The following DMBT1 variants were observed in gnomAD, a reference collection of about 807,000 sequenced individuals.
The protein encoded by DMBT1 is deleted in malignant brain tumors 1.
In DMBT1, 198 loss-of-function variants were observed where a neutral mutation model predicts 252.9. The ratio of observed to expected loss-of-function variants is 0.78; its 90% CI spans 0.70 to 0.88. DMBT1 has a LOEUF of 0.88. Ranked by LOEUF, DMBT1 falls within the 40% of genes least tolerant of loss-of-function variation. The probability of loss-of-function intolerance (pLI) is 0.00; values close to 1 mark genes in which losing one functional copy is unlikely to be tolerated. For synonymous variants in DMBT1, 990 were observed against 942.7 expected, an observed-to-expected ratio of 1.05 and a Z score of -0.92; for missense variants, 2,432 against 2,404.7, an observed-to-expected ratio of 1.01 and a Z score of -0.24.
chr10:122,571,602 T>C (rs1444585662), intron 4 of DMBT1, among the ~76,000 whole-genome samples: 1 of 152,232 alleles, frequency 6.6e-6, no homozygotes, highest in Admixed American at 6.5e-5. Context: ...TGATTTCCTT[T>C]GTTCACATAG....
intron 46 of DMBT1, among the ~76,000 whole-genome samples, chr10:122,627,103 G>T (rs2098124196): frequency 1.3e-5 from 2 of 152,150 alleles, no homozygotes; most frequent in Admixed American, 6.5e-5. Context: ...TTAATCTTGA[G>T]AATTAGCTAA....
chr10:122,634,350 T>TTCTTTC (rs1566001127), intron 52 of DMBT1, among the ~76,000 whole-genome samples: 1 of 90,866 alleles, frequency 1.1e-5, no homozygotes, highest in Non-Finnish European at 2.3e-5. Context: ...TTTTCTTTCT[T>TTCTTTC]TCTTTCTTTC....
Position 122,565,978 on chromosome 10 carries a change from C to G in DMBT1, c.73C>G (p.Pro25Ala). The part of the protein sequence containing the change: ...GQVLSTGGWI[P>A]RTTDYASLIP... The stretch of plus-strand genomic sequence containing the variant: ...TGTGTTCTTTCCAGGTGGGTGGATC[C>G]CAAGGACTACAGACTACGGTAAGAC... Residue 25 changes from proline to alanine, a missense_variant, in exon 2 of 56, where the codon CCA (proline) becomes GCA (alanine). Transcript: ENST00000338354. 1 of 1,613,918 alleles carries G rather than the reference C, an allele frequency of 6.2e-7. No homozygotes were observed. Among genetic ancestry groups the G allele is most frequent in the South Asian group, 1.1e-5 (1 of 91,066 alleles).
chr10:122,627,602 G>A (rs747816982), intron 46 of DMBT1, among the ~76,000 whole-genome samples: 2 of 151,964 alleles, frequency 1.3e-5, no homozygotes, highest in Admixed American at 6.6e-5. Context: ...ATAATGTTAA[G>A]TGACTATATA....
intron 26 of DMBT1, 64 bp downstream of exon 26, chr10:122,599,161 A>C: frequency 6.2e-7 from 1 of 1,611,618 alleles, no homozygotes; most frequent in Non-Finnish European, 8.5e-7. Context: ...GAAACTCCTA[A>C]TTACATTCTG....
At position 122,579,668 on chromosome 10, in the gene DMBT1, C is replaced by T; in HGVS notation, c.770C>T (p.Thr257Ile). Residue 257 changes from threonine (T) to isoleucine (I), a missense_variant, in exon 10 of 56, where the codon ACC (threonine) becomes ATC (isoleucine). Physicochemically the swap from Thr to Ile is moderately conservative, Grantham distance 89. Transcript: ENST00000338354. ...VEVLYRGSWG[T>I]VCDDYWDTND... ...GTCCTATACCGAGGCTCCTGGGGCA[C>T]CGTGTGTGATGACTACTGGGACACC... The T allele has an allele frequency of 1.2e-6, 2 of 1,613,824 alleles. No homozygotes were observed. The highest frequency in any genetic ancestry group is 1.7e-6 in the Non-Finnish European group (2 of 1,179,790).
Position 122,572,142 on chromosome 10 carries a change from G to A in DMBT1, c.188-172G>A, listed in dbSNP as rs528537590. Among the ~76,000 whole-genome samples, 15 of 152,366 alleles carry A rather than the reference G, an allele frequency of 9.8e-5. No homozygotes were observed. The South Asian group carries it at 2.9e-3, about 29-fold the overall frequency. ...GATGCTTGTGCGGCACCTTGGCCCA[G>A]CGTGGGACCAGTACAGTGACAGAGT... On this transcript the variant is annotated intron_variant, in intron 4 of 55. Coordinates refer to ENST00000338354, the MANE Select transcript of DMBT1 (RefSeq NM_001377530.1).
intron 41 of DMBT1, 97 bp downstream of exon 41, chr10:122,618,437 CTA>C: frequency 1.3e-6 from 2 of 1,577,998 alleles, no homozygotes; most frequent in Non-Finnish European, 1.7e-6. Context: ...AAAGCTTTTT[CTA>C]TGTTTTCTAT....
intron 5 of DMBT1, 88 bp from the exon 6 acceptor site, chr10:122,573,627 C>T: frequency 6.7e-7 from 1 of 1,492,374 alleles, no homozygotes; most frequent in Non-Finnish European, 9.3e-7. Context: ...GTGCTTCCAG[C>T]CCTTGCTTCA....
intron 4 of DMBT1, among the ~76,000 whole-genome samples, chr10:122,571,258 C>T (rs1035322731): frequency 2.6e-5 from 4 of 152,200 alleles, no homozygotes; most frequent in African/African-American, 9.7e-5. Context: ...TCCTGTCCTT[C>T]TGAAGCTGGA....
At chr10:122,566,306 T>TTTTTC (rs1254263846) in intron 2 of DMBT1, among the ~76,000 whole-genome samples, 1 of 112,252 alleles carries the variant, frequency 8.9e-6, no homozygotes, top group Non-Finnish European at 1.9e-5. Flanking sequence ...CCTTTTCTTT[T>TTTTTC]TTTTTCTTTT....
rs552127186 is a variant in DMBT1 at position 122,560,802 on chromosome 10, G to A, written c.32G>A (p.Cys11Tyr). 7 of 1,574,060 alleles carry A rather than the reference G, an allele frequency of 4.4e-6. No individual in the cohort carries two copies. Among genetic ancestry groups the A allele is most frequent in the Non-Finnish European group, 6.0e-6 (7 of 1,157,792 alleles). MGISTVILEM[C>Y]LLWGQVLSTG... ...ATCTCCACAGTCATCCTTGAAATGT[G>A]TCTTTTATGGGGACAAGTTCTATCT... The change falls in exon 1 of 56, where the codon TGT becomes TAT. Residue 11 changes from cysteine to tyrosine, a missense_variant. Transcript: ENST00000338354.
In DMBT1 at chr10:122,621,343, C is replaced by A. The variant is rs779210171; in HGVS notation, c.5571C>A (p.Asn1857Lys). 5 of 1,613,880 alleles carry A rather than the reference C, an allele frequency of 3.1e-6. No homozygotes were observed. The highest frequency in any genetic ancestry group is 4.2e-6 in the Non-Finnish European group (5 of 1,179,770). Reference sequence around the variant, plus strand: ...CCCACAAAGGCTGGCTCACCCACAACTGTGGCCATCACGAAGACGCTGGTG... The same window carrying A: ...CCCACAAAGGCTGGCTCACCCACAAATGTGGCCATCACGAAGACGCTGGTG... The part of the protein sequence containing the change: ...SCPHKGWLTH[N>K]CGHHEDAGVI... The change falls in exon 44 of 56, where the codon AAC (asparagine) becomes AAA (lysine). Residue 1857 changes from asparagine (N) to lysine (K), a missense_variant. Coordinates refer to ENST00000338354, the MANE Select transcript of DMBT1 (RefSeq NM_001377530.1).
chr10:122,631,048 C>G lies in DMBT1; in HGVS notation c.6113C>G (p.Thr2038Arg). Residue 2038 changes from threonine to arginine, a missense_variant, in exon 49 of 56, where the codon ACA becomes AGA. Physicochemically the swap from Thr to Arg is moderately conservative, Grantham distance 71. Coordinates refer to ENST00000338354, the MANE Select transcript of DMBT1 (RefSeq NM_001377530.1). The part of the protein sequence containing the change: ...VEIYHGGTWG[T>R]VCDDSWTIQE... Reference sequence around the variant, plus strand: ...ATTTACCATGGTGGCACCTGGGGGACAGTTTGTGATGACTCCTGGACCATT... The same window carrying G: ...ATTTACCATGGTGGCACCTGGGGGAGAGTTTGTGATGACTCCTGGACCATT... 6.2e-7 allele frequency: 1 copy of G among 1,613,772 alleles called. No individual in the cohort carries two copies. Among genetic ancestry groups the G allele is most frequent in the Non-Finnish European group, 8.5e-7 (1 of 1,179,752 alleles).
In DMBT1 at chr10:122,573,727, C is replaced by T. The variant is rs773229656; in HGVS notation, c.248C>T (p.Pro83Leu). ...CTCCACCCTGCAGGTTCTCTGATTC[C>T]CTCAGAGTCAACCCTGGAGTCAACT... is the stretch of plus-strand genomic sequence containing the variant. ...ESTVAEGSLI[P>L]SESTLESTVA... The change falls in exon 6 of 56, where the codon CCC becomes CTC. Residue 83 changes from proline to leucine, a missense_variant. Pro to Leu is a moderately conservative substitution (Grantham distance 98). This residue lies in a region of DMBT1 where 1,264 missense variants were observed against 1,082.2 expected (regional missense o/e 1.17). Coordinates refer to ENST00000338354, the MANE Select transcript of DMBT1 (RefSeq NM_001377530.1). 66 of 1,613,914 alleles carry T rather than the reference C, an allele frequency of 4.1e-5. No individual in the cohort carries two copies. The East Asian group carries it at 1.5e-3, about 36-fold the overall frequency.
Position 122,599,357 on chromosome 10 carries a change from G to C in DMBT1, c.3280+260G>C, listed in dbSNP as rs115590461. 9.5e-3 allele frequency among the ~76,000 whole-genome samples: 1,439 copies of C among 152,262 alleles called. 25 individuals are homozygous for C. Among genetic ancestry groups the C allele is most frequent in the African/African-American group, 0.032 (1,340 of 41,548 alleles). Reference sequence around the variant, plus strand: ...GGCAAGGAAGAGGCAGAAGAGAAAAGTGCTGGCTCCCCAGGGCTCCATTTC... The same window carrying C: ...GGCAAGGAAGAGGCAGAAGAGAAAACTGCTGGCTCCCCAGGGCTCCATTTC... On this transcript the variant is annotated intron_variant, in intron 26 of 55. Transcript: ENST00000338354.
chr10:122,576,305 A>G, intron 6 of DMBT1, 94 bp from the exon 7 acceptor site: 1 of 1,503,258 alleles, frequency 6.7e-7, no homozygotes, highest in Non-Finnish European at 9.0e-7. Context: ...TCTCAAAGAT[A>G]TCTGCCTATG....
At chr10:122,560,922 T>C (rs932608423) in intron 1 of DMBT1, 91 bp downstream of exon 1, 1 of 987,076 alleles carries the variant, frequency 1.0e-6, no homozygotes, top group Non-Finnish European at 1.5e-6. Flanking sequence ...ACAAGGGAAG[T>C]TTTATATCAA....
chr10:122,636,047 G>A lies in DMBT1; in HGVS notation c.6605G>A (p.Ser2202Asn). The A allele has an allele frequency of 1.9e-6, 3 of 1,613,984 alleles. No individual in the cohort carries two copies. The highest frequency in any genetic ancestry group is 2.5e-6 in the Non-Finnish European group (3 of 1,179,902). ...GAAGTTTTCGATGGCCCCTACCGCA[G>A]TTCCCCTCTCATTGCTCGAGTTTGT... ...YIEVFDGPYR[S>N]SPLIARVCDG... The change falls in exon 53 of 56, where the codon AGT becomes AAT. Residue 2202 changes from serine to asparagine, a missense_variant. By Grantham distance (46) the Ser-to-Asn change is conservative. Around this residue, in one of 3 missense-constraint regions of DMBT1, gnomAD observed 1,162 missense variants for 1,169.0 expected, o/e 0.99. Transcript: ENST00000338354.
Sources: gnomAD v4.1 joint callset for allele counts (sites outside exome capture counted in the v4.1 genomes callset) on GRCh38, gnomAD v4.1.1 for gene constraint, gnomAD v4.1.1 regional missense constraint, MANE v1.5 for transcripts, NCBI Gene and HGNC (gene_info 2026-07-23, HGNC 2026-07-21) for gene names.